The following CEP104 variants were observed in gnomAD, a reference collection of about 807,000 sequenced individuals.
The protein encoded by CEP104 is centrosomal protein 104.
Under a neutral mutation model 113.3 loss-of-function variants are expected in CEP104, and 84 were observed. The observed-to-expected ratio is 0.74, with a 90% CI of 0.62 to 0.89. The LOEUF is 0.89. CEP104 is among the 40% of genes least tolerant of loss of function. The probability of loss-of-function intolerance (pLI) is 0.00; values close to 1 mark genes in which losing one functional copy is unlikely to be tolerated. For missense variants in CEP104, 1,053 were observed against 1,156.6 expected (o/e 0.91, Z 1.30); for synonymous variants, 378 against 421.7 (o/e 0.90, Z 1.27).
At position 3,823,937 on chromosome 1, in the gene CEP104, G is replaced by A. The variant is rs1318323058; in HGVS notation, c.2365-375C>T. 6.6e-6 allele frequency among the ~76,000 whole-genome samples: 1 copy of A among 152,182 alleles called. No individual in the cohort carries two copies. Among genetic ancestry groups the A allele is most frequent in the East Asian group, 1.9e-4 (1 of 5,198 alleles). On this transcript the variant is annotated intron_variant, in intron 18 of 21. Coordinates refer to ENST00000378230, the MANE Select transcript of CEP104 (RefSeq NM_014704.4). The surrounding 1 kb of genome is among the most constrained non-coding windows in gnomAD (Gnocchi z 4.1). Reference sequence around the variant, plus strand: ...ATTTCTAAGAATGCACACAGAAACAGGACCACAGAAAAGAATTTTAAGAGA... The same window carrying A: ...ATTTCTAAGAATGCACACAGAAACAAGACCACAGAAAAGAATTTTAAGAGA...
intron 10 of CEP104, 25 bp downstream of exon 10, chr1:3,836,470 T>TTTC (rs1248617508): frequency 1.8e-5 from 15 of 846,316 alleles, no homozygotes; most frequent in Non-Finnish European, 2.4e-5. Context: ...GCCACCCCGT[T>TTTC]TTTTTTTTTT....
rs1248215317 is a variant in CEP104 at position 3,829,378 on chromosome 1, T to C, written c.2044-5A>G. On this transcript the variant is annotated splice_region_variant and splice_polypyrimidine_tract_variant and intron_variant, in intron 14 of 21. Transcript: ENST00000378230. ...TGTAGCCGCTTTTCTCCGTGCCTGG[T>C]AAGAAAATTATTTTTCCATTAGAAC... 6.2e-7 allele frequency: 1 copy of C among 1,605,146 alleles called. No individual in the cohort carries two copies. Among genetic ancestry groups the C allele is most frequent in the East Asian group, 2.2e-5 (1 of 44,482 alleles).
chr1:3,835,506 G>A (rs1249674498), intron 10 of CEP104, among the ~76,000 whole-genome samples: 1 of 152,152 alleles, frequency 6.6e-6, no homozygotes, highest in Admixed American at 6.5e-5. Context: ...CCAGCTAGCT[G>A]GGATTACAGG....
At chr1:3,845,244 A>G (rs1380309260) in intron 5 of CEP104, 45 bp downstream of exon 5, 6 of 1,322,640 alleles carry the variant, frequency 4.5e-6, no homozygotes, top group South Asian at 1.3e-5. Flanking sequence ...CCCTCCCATT[A>G]TAAATAGATT....
chr1:3,843,325 T>TAAAAAA, intron 6 of CEP104: 1 of 386,188 alleles, frequency 2.6e-6, no homozygotes, highest in East Asian at 3.9e-5. Flanking sequence ...CTTACACTGC[T>TAAAAAA]AAAAAAAAAA....
intron 12 of CEP104, among the ~76,000 whole-genome samples, chr1:3,832,522 G>C (rs1325229092): frequency 1.1e-5 from 1 of 94,674 alleles, no homozygotes; most frequent in Non-Finnish European, 2.6e-5. Flanking sequence ...TCGTGACCAG[G>C]AGTGTAGTGT....
rs956878413 is a variant in CEP104 at position 3,837,402 on chromosome 1, C to T, written c.1009G>A (p.Ala337Thr). The T allele has an allele frequency of 3.1e-6, 5 of 1,614,060 alleles. No homozygotes were observed. The highest frequency in any genetic ancestry group is 1.1e-5 in the South Asian group (1 of 91,084). ...LEERGTENQF[A>T]EPFLQEKPSS... ...GGCTTTTCCTGAAGGAAAGGTTCTG[C>T]AAACTGGTTTTCTGTTCCTCTTTCT... Residue 337 changes from alanine (A) to threonine (T), a missense_variant, in exon 9 of 22, where the codon GCA becomes ACA. Ala to Thr is a moderately conservative substitution (Grantham distance 58). Transcript: ENST00000378230.
At chr1:3,836,964 A>G in intron 9 of CEP104, 1 of 511,726 alleles carries the variant, frequency 2.0e-6, no homozygotes, top group Non-Finnish European at 3.4e-6. Flanking sequence ...GTTTACTGGT[A>G]GCAATTTCAG....
At chr1:3,848,848 T>TAGAAA in intron 2 of CEP104, 67 bp from the exon 3 acceptor site, 3 of 1,356,742 alleles carry the variant, frequency 2.2e-6, no homozygotes, top group Non-Finnish European at 3.1e-6. Flanking sequence ...TGCTAGCATC[T>TAGAAA]CATTCTTGCA....
chr1:3,843,856 G>T (rs1314789279), intron 6 of CEP104, among the ~76,000 whole-genome samples: 1 of 151,926 alleles, frequency 6.6e-6, no homozygotes, highest in Non-Finnish European at 1.5e-5. Context: ...TCACCTCCCG[G>T]ATTCAAGTCA....
chr1:3,834,855 T>C, intron 11 of CEP104, 70 bp downstream of exon 11: 4 of 1,422,152 alleles, frequency 2.8e-6, no homozygotes, highest in Non-Finnish European at 3.8e-6. Flanking sequence ...CAAGCTGCTC[T>C]GGTCTTCTGT....
chr1:3,836,769 G>A (rs1479435947), intron 9 of CEP104, 77 bp from the exon 10 acceptor site: 7 of 1,286,174 alleles, frequency 5.4e-6, no homozygotes, highest in Admixed American at 5.4e-5. Flanking sequence ...CTCACTGGCA[G>A]GCTTACTGCG....
intron 12 of CEP104, among the ~76,000 whole-genome samples, chr1:3,832,941 A>T (rs1260257771): frequency 6.6e-6 from 1 of 151,450 alleles, no homozygotes; most frequent in Non-Finnish European, 1.5e-5. Flanking sequence ...TTGGTCTCCC[A>T]AAGTGCTGGG....
chr1:3,845,483 T>C, intron 4 of CEP104, 132 bp from the exon 5 acceptor site: 1 of 665,436 alleles, frequency 1.5e-6, no homozygotes, highest in South Asian at 2.0e-5. Flanking sequence ...CATGGCTCAC[T>C]GCAGCCTTGA....
In CEP104 at chr1:3,847,464, A is replaced by G. The variant is rs1360824856; in HGVS notation, c.426+11T>C. 2 of 1,570,906 alleles carry G rather than the reference A, an allele frequency of 1.3e-6. No individual in the cohort carries two copies. The highest frequency in any genetic ancestry group is 1.2e-5 in the South Asian group (1 of 83,626). On this transcript the variant is annotated intron_variant, in intron 4 of 21. Transcript: ENST00000378230. The stretch of plus-strand genomic sequence containing the variant: ...GGGGCAGAATCAAAGGCGAAGCTGC[A>G]TGCATCTTACCTGATTATATATGTT...
At chr1:3,822,949 GCTC>G (rs1460096854) in intron 20 of CEP104, 1 of 542,904 alleles carries the variant, frequency 1.8e-6, no homozygotes, top group African/African-American at 1.9e-5. Flanking sequence ...GTGAGTTGAG[GCTC>G]CTCGATAAAC....
At position 3,819,544 on chromosome 1, in the gene CEP104, C is replaced by T. The variant is rs1024613805; in HGVS notation, c.2572-3174G>A. On this transcript the variant is annotated intron_variant, in intron 20 of 21. Transcript: ENST00000378230. This position sits in a 1 kb window ranked among gnomAD's most constrained non-coding sequence, Gnocchi z 4.6. ...AGAAATGAAACCTGTAAAGAAATCCCAGCCAAACACAAATACTAGAATTGG... is the reference window on the plus strand; with the variant it reads ...AGAAATGAAACCTGTAAAGAAATCCTAGCCAAACACAAATACTAGAATTGG... 1.3e-5 allele frequency among the ~76,000 whole-genome samples: 2 copies of T among 152,090 alleles called. No homozygotes were observed. Among genetic ancestry groups the T allele is most frequent in the Non-Finnish European group, 2.9e-5 (2 of 68,024 alleles).
chr1:3,821,100 C>T (rs924182775), intron 20 of CEP104, among the ~76,000 whole-genome samples: 1 of 152,200 alleles, frequency 6.6e-6, no homozygotes, highest in Non-Finnish European at 1.5e-5. Flanking sequence ...AGGCCCCCAG[C>T]GCTGTCCTGA....
intron 4 of CEP104, among the ~76,000 whole-genome samples, chr1:3,845,569 C>A (rs916402368): frequency 2.0e-5 from 3 of 152,026 alleles, no homozygotes; most frequent in African/African-American, 7.3e-5. Flanking sequence ...CCATGCCCTG[C>A]TAATTTTTGT....
Sources: gnomAD v4.1 joint callset for allele counts (sites outside exome capture counted in the v4.1 genomes callset) on GRCh38, gnomAD v4.1.1 for gene constraint, Gnocchi (gnomAD v3.1) non-coding constraint, MANE v1.5 for transcripts, NCBI Gene and HGNC (gene_info 2026-07-23, HGNC 2026-07-21) for gene names.